Variants in IPO11 observed in about 807,000 individuals in gnomAD.
The protein encoded by IPO11 is importin 11, also known as importin-11.
A neutral mutation model predicts 143.2 loss-of-function variants in IPO11; 66 were observed. That is an observed-to-expected ratio of 0.46 (90% CI 0.38 to 0.57). The LOEUF (loss-of-function observed/expected upper bound fraction) is 0.57. IPO11 is among the 20% of genes least tolerant of loss of function. The pLI is 0.00. For synonymous variants in IPO11, 385 were observed against 377.8 expected, an observed-to-expected ratio of 1.02 and a Z score of -0.22; for missense variants, 1,026 against 1,141.0, an observed-to-expected ratio of 0.90 and a Z score of 1.45.
intron 27 of IPO11, among the ~76,000 whole-genome samples, chr5:62,573,372 G>A (rs1744209184): frequency 6.6e-6 from 1 of 152,148 alleles, no homozygotes; most frequent in Non-Finnish European, 1.5e-5. Context: ...AGTAGCAAAA[G>A]GAGTTAATCC....
chr5:62,571,147 A>G (rs953537729), intron 27 of IPO11, among the ~76,000 whole-genome samples: 1 of 152,216 alleles, frequency 6.6e-6, no homozygotes, highest in African/African-American at 2.4e-5. Context: ...CTCGAGGAAC[A>G]TCTTTTTTGT....
chr5:62,418,654 A>G (rs1200867678), intron 1 of IPO11, among the ~76,000 whole-genome samples: 1 of 152,224 alleles, frequency 6.6e-6, no homozygotes, highest in Admixed American at 6.5e-5. Flanking sequence ...GGACAACTTG[A>G]GCAGAATGGA....
chr5:62,485,491 A>AG, intron 12 of IPO11, 29 bp downstream of exon 12: 1 of 1,532,020 alleles, frequency 6.5e-7, no homozygotes, highest in Non-Finnish European at 9.0e-7. Context: ...AAAAATTGAT[A>AG]GGGGAAAGCT....
intron 26 of IPO11, chr5:62,560,830 A>G (rs559799840): frequency 3.3e-5 from 6 of 179,524 alleles, no homozygotes; most frequent in African/African-American, 1.4e-4. Flanking sequence ...TGAAAAATGC[A>G]TGTTTTTTTT....
At chr5:62,448,386 T>C (rs1190472291) in intron 3 of IPO11, among the ~76,000 whole-genome samples, 2 of 152,204 alleles carry the variant, frequency 1.3e-5, no homozygotes, top group Non-Finnish European at 2.9e-5. Context: ...TCATTGATGG[T>C]AGATTACTGA....
chr5:62,467,787 A>T (rs548872896), intron 6 of IPO11, among the ~76,000 whole-genome samples: 1 of 152,198 alleles, frequency 6.6e-6, no homozygotes, highest in South Asian at 2.1e-4. Flanking sequence ...CCTTAGCATA[A>T]ATCTCCATCT....
intron 24 of IPO11, among the ~76,000 whole-genome samples, chr5:62,542,540 A>C (rs1365333397): frequency 2.0e-5 from 3 of 152,084 alleles, no homozygotes; most frequent in Non-Finnish European, 4.4e-5. Flanking sequence ...ATAACATTTT[A>C]AATATATTTT....
chr5:62,486,255 C>G (rs1010761708), intron 12 of IPO11, among the ~76,000 whole-genome samples: 3 of 152,268 alleles, frequency 2.0e-5, no homozygotes, highest in African/African-American at 7.2e-5. Flanking sequence ...GCTGGGATTA[C>G]AGGCGTGAGC....
intron 27 of IPO11, chr5:62,579,273 A>G (rs760585516): frequency 1.3e-4 from 85 of 668,518 alleles, no homozygotes; most frequent in Non-Finnish European, 2.0e-4. Flanking sequence ...TGCTATTACC[A>G]TGGTATGATT....
At chr5:62,588,199 T>C (rs1283436728) in intron 27 of IPO11, among the ~76,000 whole-genome samples, 2 of 152,114 alleles carry the variant, frequency 1.3e-5, no homozygotes, top group Non-Finnish European at 2.9e-5. Context: ...ACTTCACATT[T>C]TCCAGTTTTC....
chr5:62,577,253 T>C (rs929777880), intron 27 of IPO11, among the ~76,000 whole-genome samples: 1 of 152,192 alleles, frequency 6.6e-6, no homozygotes, highest in Non-Finnish European at 1.5e-5. Flanking sequence ...GAAGTCAGTT[T>C]AGTTTCCTTC....
rs1273818556 is a variant in IPO11 at position 62,578,685 on chromosome 5, ATTAC to A, written c.2583-12889_2583-12886del. The stretch of plus-strand genomic sequence containing the variant: ...GCAATACTTTTGAAACACAGATAAA[ATTAC>A]TTCCTGTCTCTTAGCTTCCTGTATC... On this transcript the variant is annotated intron_variant, in intron 27 of 29. Transcript: ENST00000325324. The A allele has an allele frequency of 6.4e-6, 3 of 468,328 alleles. No individual in the cohort carries two copies. In the Admixed American group the frequency reaches 7.1e-5, roughly 11 times the overall value. The allele number at this position is 468,328 out of a possible 1,614,324, so 29.0% of individuals were successfully genotyped here. A position where few individuals can be genotyped will look rare whatever the true frequency, so the allele number is the denominator to read the frequency against.
rs148666734 is a variant in IPO11, at chr5:62,593,518, G to A, written c.2678+1846G>A. Among the ~76,000 whole-genome samples, 5 of 152,234 alleles carry A rather than the reference G, an allele frequency of 3.3e-5. No individual in the cohort carries two copies. In the East Asian group the frequency reaches 5.8e-4, roughly 18 times the overall value. On this transcript the variant is annotated intron_variant, in intron 28 of 29. Coordinates refer to ENST00000325324, the MANE Select transcript of IPO11 (RefSeq NM_016338.5). The stretch of plus-strand genomic sequence containing the variant: ...TAACAACAACAACAAAAAAAGTGGA[G>A]TGACACAGCAGATTTGTGGAAGAGT...
intron 24 of IPO11, among the ~76,000 whole-genome samples, chr5:62,539,834 T>C (rs1742867696): frequency 6.6e-6 from 1 of 152,208 alleles, no homozygotes; most frequent in Non-Finnish European, 1.5e-5. Context: ...TTATACAATT[T>C]CAGCTTCAGC....
At position 62,419,759 on chromosome 5, in the gene IPO11, T is replaced by C. The variant is rs562468187; in HGVS notation, c.-7+6830T>C. On this transcript the variant is annotated intron_variant, in intron 1 of 29. Transcript: ENST00000325324. ...CTGTAATCCCAGGGTTTAGGGAAGC[T>C]GAGGTGGGAGGATTGCTTGAGGTCT... Among the ~76,000 whole-genome samples the C allele has an allele frequency of 3.3e-5, 5 of 152,082 alleles. No individual in the cohort carries two copies. In the East Asian group the frequency reaches 9.7e-4, roughly 29 times the overall value.
intron 24 of IPO11, among the ~76,000 whole-genome samples, chr5:62,539,129 C>T (rs1239787137): frequency 6.6e-6 from 1 of 152,154 alleles, no homozygotes; most frequent in Non-Finnish European, 1.5e-5. Flanking sequence ...CAAAATACCA[C>T]AACCTTGGTG....
chr5:62,501,329 A>G (rs1448811962), intron 16 of IPO11, among the ~76,000 whole-genome samples: 4 of 152,344 alleles, frequency 2.6e-5, no homozygotes, highest in Non-Finnish European at 5.9e-5. Context: ...TTCTGAATTC[A>G]ATTATACTCA....
chr5:62,494,436 T>C (rs1741056007), intron 16 of IPO11, among the ~76,000 whole-genome samples: 1 of 152,222 alleles, frequency 6.6e-6, no homozygotes, highest in Admixed American at 6.5e-5. Context: ...GGATAGACTT[T>C]GGCATTGAAA....
In IPO11 at chr5:62,482,481, A is replaced by G. The variant is rs536111411; in HGVS notation, c.829-620A>G. On this transcript the variant is annotated intron_variant, in intron 9 of 29. Coordinates refer to ENST00000325324, the MANE Select transcript of IPO11 (RefSeq NM_016338.5). Reference sequence around the variant, plus strand: ...AAATGTGTCCCAGAGACTCTGGTACATTGTGTCTTTGTTCTCATTGGTTTC... The same window carrying G: ...AAATGTGTCCCAGAGACTCTGGTACGTTGTGTCTTTGTTCTCATTGGTTTC... 5.9e-5 allele frequency among the ~76,000 whole-genome samples: 9 copies of G among 152,232 alleles called. No individual in the cohort carries two copies. In the East Asian group the frequency reaches 1.4e-3, roughly 23 times the overall value.
Sources: allele counts gnomAD v4.1 joint callset (sites outside exome capture counted in the v4.1 genomes callset), GRCh38; gene constraint gnomAD v4.1.1; transcripts MANE v1.5; gene names NCBI Gene and HGNC (gene_info 2026-07-23, HGNC 2026-07-21).